The following PLEKHB1 variants were observed in gnomAD, a reference collection of about 807,000 sequenced individuals.
The protein encoded by PLEKHB1 is pleckstrin homology domain containing B1.
PLEKHB1 carries 29 observed loss-of-function variants against 36.2 expected under a neutral mutation model. The ratio of observed to expected loss-of-function variants is 0.80; its 90% CI spans 0.60 to 1.09. The LOEUF (loss-of-function observed/expected upper bound fraction) is 1.09. Among genes scored for constraint, PLEKHB1 ranks in the 50% least tolerant of loss-of-function variants. The pLI is 0.00. For synonymous variants in PLEKHB1, 138 were observed against 140.0 expected (o/e 0.99, Z 0.10); for missense variants, 330 against 348.2 (o/e 0.95, Z 0.42).
Position 73,660,632 on chromosome 11 carries a change from C to T in PLEKHB1, c.496-121C>T, listed in dbSNP as rs1945086025. On this transcript the variant is annotated intron_variant, in intron 6 of 7. Transcript: ENST00000354190. ...AAGAGCTTGCTAGTGGCTGGAGGCC[C>T]ATTTCTAAACTTGGGGAGGTGGCTC... 9 of 901,046 alleles carry T rather than the reference C, an allele frequency of 1.0e-5. No individual in the cohort carries two copies. In the East Asian group the frequency reaches 2.1e-4, roughly 21 times the overall value. 55.8% of individuals were successfully genotyped at this position (901,046 alleles called of 1,614,324 possible).
intron 6 of PLEKHB1, among the ~76,000 whole-genome samples, chr11:73,656,442 G>T (rs1026610814): frequency 5.3e-5 from 8 of 152,342 alleles, no homozygotes; most frequent in Non-Finnish European, 1.0e-4. Context: ...ATGATGGGGA[G>T]TCTATGCTGA....
At position 73,651,649 on chromosome 11, in the gene PLEKHB1, G is replaced by GAGT. The variant is rs375082688; in HGVS notation, c.248-137_248-135dup. 316 of 689,516 alleles carry GAGT rather than the reference G, an allele frequency of 4.6e-4. 1 individual carries two copies. The highest frequency in any genetic ancestry group is 4.4e-3 in the African/African-American group (247 of 56,542). 42.7% of individuals were successfully genotyped at this position (689,516 alleles called of 1,614,324 possible). A position where few individuals can be genotyped will look rare whatever the true frequency, so the allele number is the denominator to read the frequency against. ...GAAACGTAGAGTGGAATCCCTCAGA[G>GAGT]AGTATATGGGATCAGAGGAGGTTGG... is the stretch of plus-strand genomic sequence containing the variant. On this transcript the variant is annotated intron_variant, in intron 3 of 7. Transcript: ENST00000354190.
chr11:73,649,227 G>A, intron 2 of PLEKHB1, 140 bp downstream of exon 2: 1 of 1,102,302 alleles, frequency 9.1e-7, no homozygotes, highest in Non-Finnish European at 1.3e-6. Context: ...TCTGCCTGAA[G>A]GTCCTTCCCA....
intron 3 of PLEKHB1, 103 bp downstream of exon 3, chr11:73,650,808 G>T: frequency 7.5e-7 from 1 of 1,329,312 alleles, no homozygotes; most frequent in Admixed American, 2.8e-5. Context: ...GCTTTCAGAG[G>T]CATTTCACAG....
At position 73,660,769 on chromosome 11, in the gene PLEKHB1, C is replaced by G. The variant is rs746542899; in HGVS notation, c.512C>G (p.Pro171Arg). 1 of 1,597,522 alleles carries G rather than the reference C, an allele frequency of 6.3e-7. No homozygotes were observed. ...ATTCCCCAGGTGCGCGTCTACAGCC[C>G]GTACCAAGACTACTACGAGGTGGTG... ...ERRIWVRVYS[P>R]YQDYYEVVPP... Residue 171 changes from proline to arginine, a missense_variant, in exon 7 of 8, where the codon CCG becomes CGG. Coordinates refer to ENST00000354190, the MANE Select transcript of PLEKHB1 (RefSeq NM_021200.3).
intron 6 of PLEKHB1, among the ~76,000 whole-genome samples, chr11:73,657,400 CTG>C (rs1242178483): frequency 6.6e-6 from 1 of 152,224 alleles, no homozygotes; most frequent in Non-Finnish European, 1.5e-5. Flanking sequence ...ATTTAACAGA[CTG>C]TAAACCTAAT....
At chr11:73,652,103 T>C (rs1944909741) in intron 4 of PLEKHB1, 2 of 570,810 alleles carry the variant, frequency 3.5e-6, no homozygotes. Flanking sequence ...TACAGTGAAC[T>C]CAGGATTGCT....
rs73536621 is a variant in PLEKHB1, at chr11:73,652,828, T to C, written c.351-147T>C. ...GACTGGGGCAGGGGAGGGGTCACTT[T>C]TGTCTTCCTGAGGGAGACAAGAGAT... On this transcript the variant is annotated intron_variant, in intron 4 of 7. Coordinates refer to ENST00000354190, the MANE Select transcript of PLEKHB1 (RefSeq NM_021200.3). The C allele has an allele frequency of 1.4e-3, 900 of 630,668 alleles. 11 individuals are homozygous for C. In the African/African-American group the frequency reaches 0.015, roughly 10 times the overall value. The allele number at this position is 630,668 out of a possible 1,614,324, so 39.1% of individuals were successfully genotyped here.
At position 73,655,633 on chromosome 11, in the gene PLEKHB1, G is replaced by A. The variant is rs1590797783; in HGVS notation, c.391-170G>A. On this transcript the variant is annotated intron_variant, in intron 5 of 7. Transcript: ENST00000354190. The stretch of plus-strand genomic sequence containing the variant: ...TTTGGCAGTCATCAGCATTCTCTGA[G>A]CCTCCCCCGTTACCATGAGCTGAGG... Among the ~76,000 whole-genome samples, 3 of 152,304 alleles carry A rather than the reference G, an allele frequency of 2.0e-5. No individual in the cohort carries two copies. In the East Asian group the frequency reaches 5.8e-4, roughly 29 times the overall value.
In PLEKHB1 at chr11:73,650,723, C is replaced by A; in HGVS notation, c.247+18C>A. The A allele has an allele frequency of 1.3e-6, 2 of 1,585,976 alleles. No individual in the cohort carries two copies. The highest frequency in any genetic ancestry group is 8.6e-7 in the Non-Finnish European group (1 of 1,165,554). On this transcript the variant is annotated intron_variant, in intron 3 of 7. Transcript: ENST00000354190. The stretch of plus-strand genomic sequence containing the variant: ...GTGCCATGGTGAGCAGAAGCCCCTT[C>A]CTCTGTGGCACCGTGACTGTGGGCA...
intron 3 of PLEKHB1, 122 bp downstream of exon 3, chr11:73,650,827 T>C: frequency 8.4e-7 from 1 of 1,190,004 alleles, no homozygotes. Context: ...AGACATTGCT[T>C]CTGAGCCTCT....
At position 73,646,619 on chromosome 11, in the gene PLEKHB1, C is replaced by A. The variant is rs774531110; in HGVS notation, c.11C>A (p.Ala4Glu). The A allele has an allele frequency of 1.3e-6, 2 of 1,551,576 alleles. No individual in the cohort carries two copies. Among genetic ancestry groups the A allele is most frequent in the Non-Finnish European group, 1.7e-6 (2 of 1,146,996 alleles). The change falls in exon 1 of 8, where the codon GCA becomes GAA. Residue 4 changes from alanine (A) to glutamate (E), a missense_variant. Physicochemically the swap from Ala to Glu is moderately radical, Grantham distance 107. Transcript: ENST00000354190. ...GGCCACCCAGGAACCATGAGCCCTG[C>A]AGCCCCGGTAAGGAAGAGTTCTCTG... Reference protein sequence around the residue: MSPAAPVPPDSALE... With the variant: MSPEAPVPPDSALE...
chr11:73,661,854 A>T lies in PLEKHB1; in HGVS notation c.*252A>T. The T allele has an allele frequency of 2.1e-6, 1 of 473,414 alleles. No homozygotes were observed. Among genetic ancestry groups the T allele is most frequent in the Non-Finnish European group, 3.7e-6 (1 of 269,614 alleles). The allele number at this position is 473,414 out of a possible 1,614,324, so 29.3% of individuals were successfully genotyped here. On this transcript the variant is annotated 3_prime_UTR_variant, in exon 8 of 8. Coordinates refer to ENST00000354190, the MANE Select transcript of PLEKHB1 (RefSeq NM_021200.3). The surrounding 1 kb of genome is among the most constrained non-coding windows in gnomAD (Gnocchi z 4.6). The stretch of plus-strand genomic sequence containing the variant: ...GACACCCCCAAAATCTGTTATAGAC[A>T]TTTATGGATACATTTCCTCTAAACA...
chr11:73,651,451 G>C, intron 3 of PLEKHB1: 1 of 516,100 alleles, frequency 1.9e-6, no homozygotes, highest in South Asian at 1.5e-5. Flanking sequence ...CTGCCCTCCA[G>C]GCGCTCGGTA....
rs779558466 is a variant in PLEKHB1, at chr11:73,660,822, G to C, written c.565G>C (p.Val189Leu). Residue 189 changes from valine to leucine, a missense_variant, in exon 7 of 8, where the codon GTC (valine) becomes CTC (leucine). Transcript: ENST00000354190. ...VPPNAHEATY[V>L]RSYYGPPYAG... Reference sequence around the variant, plus strand: ...CCCCAATGCACACGAGGCCACGTATGTCCGCAGCTACTACGGACCGCCCTA... The same window carrying C: ...CCCCAATGCACACGAGGCCACGTATCTCCGCAGCTACTACGGACCGCCCTA... The C allele has an allele frequency of 2.1e-5, 34 of 1,600,036 alleles. No individual in the cohort carries two copies. The East Asian group carries it at 7.7e-4, about 36-fold the overall frequency.
At chr11:73,650,336 G>A in intron 2 of PLEKHB1, among the ~76,000 whole-genome samples, 1 of 152,192 alleles carries the variant, frequency 6.6e-6, no homozygotes, top group East Asian at 1.9e-4. Context: ...TCCCTGTTCA[G>A]CACGTGTATC....
At position 73,662,571 on chromosome 11, in the gene PLEKHB1, TCTC is replaced by T. The variant is rs930923458; in HGVS notation, c.*973_*975del. 3.9e-5 allele frequency: 6 copies of T among 152,300 alleles called. No individual in the cohort carries two copies. Among genetic ancestry groups the T allele is most frequent in the African/African-American group, 1.4e-4 (6 of 41,398 alleles). 9.4% of individuals were successfully genotyped at this position (152,300 alleles called of 1,614,324 possible). On this transcript the variant is annotated 3_prime_UTR_variant, in exon 8 of 8. Transcript: ENST00000354190. ...TTCATTCTGAATAAGATGGCAGTGT[TCTC>T]CTCTGGGGCCTGATCCACCTCTACA...
At chr11:73,650,530 A>C (rs1944865365) in intron 2 of PLEKHB1, 23 bp from the exon 3 acceptor site, 5 of 1,591,848 alleles carry the variant, frequency 3.1e-6, no homozygotes, top group Non-Finnish European at 4.3e-6. Context: ...CAGCCTGCCT[A>C]GTGCATCTGG....
At position 73,655,899 on chromosome 11, in the gene PLEKHB1, CGG is replaced by C. The variant is rs1565332026; in HGVS notation, c.488_489del (p.Arg163HisfsTer120). 1 of 1,613,698 alleles carries C rather than the reference CGG, an allele frequency of 6.2e-7. No homozygotes were observed. The highest frequency in any genetic ancestry group is 1.1e-5 in the South Asian group (1 of 91,068). On this transcript the variant is annotated frameshift_variant, in exon 6 of 8. Coordinates refer to ENST00000354190, the MANE Select transcript of PLEKHB1 (RefSeq NM_021200.3). LOFTEE classifies it high-confidence loss of function. ...RSWSPCKVER[R>X]IWVRVYSPYQ... ...GTGGAGCCCCTGTAAGGTTGAGAGG[CGG>C]ATCTGGGTAAGTGCTGGCTCGGCCC...
Sources: allele counts gnomAD v4.1 joint callset (sites outside exome capture counted in the v4.1 genomes callset), GRCh38; gene constraint gnomAD v4.1.1; non-coding constraint Gnocchi (gnomAD v3.1); transcripts MANE v1.5; gene names NCBI Gene and HGNC (gene_info 2026-07-23, HGNC 2026-07-21).